Variants in MGLL observed in about 807,000 individuals in gnomAD.
MGLL encodes the protein lysophospholipase homolog.
Under a neutral mutation model 29.1 loss-of-function variants are expected in MGLL, and 7 were observed. That is an observed-to-expected ratio of 0.24 (90% CI 0.14 to 0.45). The LOEUF (loss-of-function observed/expected upper bound fraction) is 0.45. Among genes scored for constraint, MGLL ranks in the 20% least tolerant of loss-of-function variants. The probability of loss-of-function intolerance (pLI) is 0.99; values close to 1 mark genes in which losing one functional copy is unlikely to be tolerated. For missense variants in MGLL, 356 were observed against 413.6 expected (o/e 0.86, Z 1.21); for synonymous variants, 148 against 168.3 (o/e 0.88, Z 0.93).
rs114139829 is a variant in MGLL, at chr3:127,740,236, C to T, written c.263-17670G>A. On this transcript the variant is annotated intron_variant, in intron 3 of 7. Coordinates refer to ENST00000265052, the MANE Select transcript of MGLL (RefSeq NM_007283.7). ...AAGTCACCACTTGTGGCATGAAGCT[C>T]GTTCACACAGACATGCAGCTACCAG... Among the ~76,000 whole-genome samples the T allele has an allele frequency of 1.7e-3, 262 of 152,326 alleles. 1 individual carries two copies. The highest frequency in any genetic ancestry group is 6.1e-3 in the African/African-American group (255 of 41,574).
At chr3:127,807,748 G>GTTTT (rs2077591481) in intron 2 of MGLL, among the ~76,000 whole-genome samples, 1 of 104,182 alleles carries the variant, frequency 9.6e-6, no homozygotes, top group African/African-American at 3.7e-5. Flanking sequence ...GCTGTGAAAA[G>GTTTT]TCTTTTTTTT....
chr3:127,726,119 G>GGAAAGAAAGAAAGAAAGAAAGAAA (rs869029966), intron 3 of MGLL, among the ~76,000 whole-genome samples: 1 of 75,150 alleles, frequency 1.3e-5, no homozygotes, highest in African/African-American at 5.1e-5. Context: ...AAAGAAAGCA[G>GGAAAGAAAGAAAGAAAGAAAGAAA]GAAAGAAAGA....
chr3:127,692,094 A>AC lies in MGLL; in HGVS notation c.*103_*104insG. On this transcript the variant is annotated 3_prime_UTR_variant, in exon 8 of 8. Coordinates refer to ENST00000265052, the MANE Select transcript of MGLL (RefSeq NM_007283.7). The stretch of plus-strand genomic sequence containing the variant: ...GTGCTAAGGATTTCTCCAATTTCTG[A>AC]TTTTTTTTTTTTTTTTTTTTTGGCA... The AC allele has an allele frequency of 1.4e-6, 1 of 706,646 alleles. No individual in the cohort carries two copies. 43.8% of individuals were successfully genotyped at this position (706,646 alleles called of 1,614,324 possible). A position where few individuals can be genotyped will look rare whatever the true frequency, so the allele number is the denominator to read the frequency against.
At chr3:127,708,663 C>T (rs1391592662) in intron 6 of MGLL, among the ~76,000 whole-genome samples, 2 of 152,140 alleles carry the variant, frequency 1.3e-5, no homozygotes, top group African/African-American at 2.4e-5. Context: ...AAAGGGAGGC[C>T]CCTCCCTCCC....
intron 3 of MGLL, among the ~76,000 whole-genome samples, chr3:127,777,880 T>C (rs186749696): frequency 6.6e-6 from 1 of 152,376 alleles, no homozygotes; most frequent in East Asian, 1.9e-4. Context: ...GAGCCTGGCA[T>C]GCAGTTGACA....
At chr3:127,730,915 G>A (rs769698166) in intron 3 of MGLL, among the ~76,000 whole-genome samples, 28 of 152,220 alleles carry the variant, frequency 1.8e-4, no homozygotes, top group Non-Finnish European at 3.2e-4. Flanking sequence ...TGCCAGGGCC[G>A]TCTTGGAGAG....
chr3:127,773,803 A>G (rs1167641163), intron 3 of MGLL, among the ~76,000 whole-genome samples: 1 of 151,990 alleles, frequency 6.6e-6, no homozygotes, highest in Non-Finnish European at 1.5e-5. Context: ...TCTCTGCCAA[A>G]TCTTGTTGCT....
chr3:127,748,172 G>C (rs73861704), intron 3 of MGLL, among the ~76,000 whole-genome samples: 2,737 of 152,250 alleles, frequency 0.018, 94 homozygotes, highest in African/African-American at 0.062. Flanking sequence ...GGCAGGGCTG[G>C]TTTAATATTT....
intron 3 of MGLL, among the ~76,000 whole-genome samples, chr3:127,767,023 A>G (rs999673065): frequency 6.6e-6 from 1 of 152,154 alleles, no homozygotes; most frequent in Non-Finnish European, 1.5e-5. Context: ...GGTAGGGCCG[A>G]GATTGCACCA....
chr3:127,770,674 T>C (rs1255710432), intron 3 of MGLL, among the ~76,000 whole-genome samples: 1 of 152,128 alleles, frequency 6.6e-6, no homozygotes, highest in Non-Finnish European at 1.5e-5. Context: ...TCTAAGAATA[T>C]GGAATAGTCT....
chr3:127,702,675 C>T (rs1423803177), intron 6 of MGLL, among the ~76,000 whole-genome samples: 1 of 152,168 alleles, frequency 6.6e-6, no homozygotes, highest in Non-Finnish European at 1.5e-5. Context: ...GGTTTGAACT[C>T]CTGGACATCC....
intron 3 of MGLL, among the ~76,000 whole-genome samples, chr3:127,742,478 TAGTC>T (rs1401769673): frequency 1.3e-5 from 2 of 148,902 alleles, no homozygotes; most frequent in African/African-American, 5.0e-5. Flanking sequence ...TAGTCCCAGA[TAGTC>T]AGGAGGCTGA....
intron 3 of MGLL, among the ~76,000 whole-genome samples, chr3:127,733,803 C>T (rs1051688914): frequency 5.3e-5 from 8 of 152,234 alleles, no homozygotes; most frequent in Non-Finnish European, 7.3e-5. Context: ...ATGCAGCCAT[C>T]GCTCTGACTT....
chr3:127,774,069 C>T (rs1334390834), intron 3 of MGLL, among the ~76,000 whole-genome samples: 2 of 152,242 alleles, frequency 1.3e-5, no homozygotes, highest in Non-Finnish European at 2.9e-5. Flanking sequence ...CCTCCAGTGG[C>T]TTCCAACATC....
chr3:127,781,753 G>A, intron 3 of MGLL, 36 bp downstream of exon 3: 1 of 1,582,408 alleles, frequency 6.3e-7, no homozygotes, highest in Middle Eastern at 1.7e-4. Flanking sequence ...AATTGTCAGG[G>A]CCCAGCCAGC....
At chr3:127,777,414 G>T (rs1168320816) in intron 3 of MGLL, among the ~76,000 whole-genome samples, 2 of 152,232 alleles carry the variant, frequency 1.3e-5, no homozygotes, top group Non-Finnish European at 2.9e-5. Context: ...TGGGTCAGTA[G>T]TTAAAAATTA....
intron 7 of MGLL, 141 bp from the exon 8 acceptor site, chr3:127,692,464 T>C: frequency 3.0e-6 from 3 of 983,974 alleles, no homozygotes; most frequent in Non-Finnish European, 4.6e-6. Context: ...TGACCTCCCA[T>C]TATTAGGAGG....
chr3:127,749,128 G>A (rs1017146833), intron 3 of MGLL, among the ~76,000 whole-genome samples: 51 of 152,324 alleles, frequency 3.3e-4, no homozygotes, highest in African/African-American at 1.2e-3. Flanking sequence ...TCTGGGCAAA[G>A]TCGGAGCCTC....
chr3:127,727,703 C>T (rs913556213), intron 3 of MGLL, among the ~76,000 whole-genome samples: 3 of 34,522 alleles, frequency 8.7e-5, no homozygotes, highest in Non-Finnish European at 2.3e-4. Flanking sequence ...CAGAGCAAGG[C>T]TAAAAAAAAA....
Sources: gnomAD v4.1 joint callset for allele counts (sites outside exome capture counted in the v4.1 genomes callset) on GRCh38, gnomAD v4.1.1 for gene constraint, MANE v1.5 for transcripts, NCBI Gene and HGNC (gene_info 2026-07-23, HGNC 2026-07-21) for gene names.